DTD1: variants seen among roughly 807,000 people sequenced by gnomAD.
DTD1 encodes D-aminoacyl-tRNA deacylase 1, also known as D-tyrosyl-tRNA deacylase 1 homolog.
A neutral mutation model predicts 25.6 loss-of-function variants in DTD1; 13 were observed. The ratio of observed to expected loss-of-function variants is 0.51; its 90% confidence interval spans 0.33 to 0.81. DTD1 has a LOEUF of 0.81. DTD1 is among the 30% of genes least tolerant of loss of function. The probability of loss-of-function intolerance (pLI) is 0.02; values close to 1 mark genes in which losing one functional copy is unlikely to be tolerated. For missense variants in DTD1, 193 were observed against 266.4 expected (o/e 0.72, Z 1.92); for synonymous variants, 110 against 103.6 (o/e 1.06, Z -0.37).
chr20:18,683,728 G>A (rs541992185), intron 4 of DTD1, among the ~76,000 whole-genome samples: 1 of 152,188 alleles, frequency 6.6e-6, no homozygotes, highest in Non-Finnish European at 1.5e-5. Context: ...ACCTTCTTTG[G>A]GGGTAGTTTT....
rs544941988 is a variant in DTD1, at chr20:18,644,909, C to T, written c.477+16676C>T. On this transcript the variant is annotated intron_variant, in intron 4 of 5. Transcript: ENST00000377452. ...ATCTATAATCCCAAGACTTTGGGAG[C>T]CCAAGGCAGGAATATCGCATGAGCC... Among the ~76,000 whole-genome samples the T allele has an allele frequency of 6.6e-5, 10 of 152,192 alleles. No individual in the cohort carries two copies. The East Asian group carries it at 1.9e-3, about 29-fold the overall frequency.
chr20:18,700,464 G>A (rs1600378467), intron 4 of DTD1, among the ~76,000 whole-genome samples: 1 of 149,214 alleles, frequency 6.7e-6, no homozygotes, highest in East Asian at 1.9e-4. Context: ...ATATCCTCCT[G>A]AAAAATTTCC....
At chr20:18,729,042 T>C (rs1380900831) in intron 4 of DTD1, among the ~76,000 whole-genome samples, 3 of 152,228 alleles carry the variant, frequency 2.0e-5, no homozygotes, top group Non-Finnish European at 2.9e-5. Context: ...CTCACTCTGT[T>C]GCCCAGGCTA....
chr20:18,655,735 T>C (rs1568659910), intron 4 of DTD1, among the ~76,000 whole-genome samples: 1 of 152,188 alleles, frequency 6.6e-6, no homozygotes, highest in Non-Finnish European at 1.5e-5. Flanking sequence ...TTTTCCTAAA[T>C]GATGGGCATT....
rs1214444535 is a variant in DTD1, at chr20:18,632,460, T to G, written c.477+4227T>G. The G allele has an allele frequency of 9.1e-6, 9 of 985,378 alleles. No individual in the cohort carries two copies. The East Asian group carries it at 1.0e-3, about 112-fold the overall frequency. The allele number at this position is 985,378 out of a possible 1,614,324, so 61.0% of individuals were successfully genotyped here. ...CTGGCCTGTGCCTGGGGCCTCTCTC[T>G]GCCTTTTCTTCTGAATTAGAAGGAG... On this transcript the variant is annotated intron_variant, in intron 4 of 5. Transcript: ENST00000377452.
At chr20:18,633,727 A>T (rs1036796254) in intron 4 of DTD1, among the ~76,000 whole-genome samples, 2 of 152,194 alleles carry the variant, frequency 1.3e-5, no homozygotes, top group African/African-American at 2.4e-5. Flanking sequence ...TTGTTTTCAA[A>T]TTTCTACTTC....
At chr20:18,633,131 A>C (rs912550998) in intron 4 of DTD1, among the ~76,000 whole-genome samples, 4 of 152,192 alleles carry the variant, frequency 2.6e-5, no homozygotes, top group African/African-American at 9.7e-5. Flanking sequence ...GTGCCTTCCA[A>C]GTGCATTTTG....
intron 3 of DTD1, among the ~76,000 whole-genome samples, chr20:18,609,279 A>G (rs1053399986): frequency 1.3e-5 from 2 of 151,904 alleles, no homozygotes; most frequent in African/African-American, 4.8e-5. Context: ...AGTTGCTGGG[A>G]CCACAGGCAT....
At chr20:18,725,296 C>T (rs1051965168) in intron 4 of DTD1, among the ~76,000 whole-genome samples, 4 of 152,300 alleles carry the variant, frequency 2.6e-5, no homozygotes, top group Admixed American at 2.0e-4. Flanking sequence ...TGGAGTGGCA[C>T]ACTGATGGGC....
chr20:18,702,811 T>G (rs958127677), intron 4 of DTD1, among the ~76,000 whole-genome samples: 45 of 152,200 alleles, frequency 3.0e-4, no homozygotes, highest in African/African-American at 8.7e-4. Context: ...AATGTTTTTC[T>G]TAGCAGATGT....
chr20:18,649,431 C>T (rs1003984530), intron 4 of DTD1, among the ~76,000 whole-genome samples: 18 of 147,454 alleles, frequency 1.2e-4, no homozygotes, highest in South Asian at 4.4e-4. Flanking sequence ...ATCCGCCTCC[C>T]GGGTTCACGC....
chr20:18,709,277 G>A (rs2061148672), intron 4 of DTD1, among the ~76,000 whole-genome samples: 1 of 152,138 alleles, frequency 6.6e-6, no homozygotes, highest in Non-Finnish European at 1.5e-5. Flanking sequence ...GCACAGAAAG[G>A]TGCATGTTTA....
At chr20:18,659,212 C>T (rs368290013) in intron 4 of DTD1, among the ~76,000 whole-genome samples, 8 of 152,160 alleles carry the variant, frequency 5.3e-5, no homozygotes, top group East Asian at 3.8e-4. Context: ...CTTTCTGGGA[C>T]GTAGTCTGAT....
At chr20:18,589,435 C>T (rs1476524718) in intron 1 of DTD1, among the ~76,000 whole-genome samples, 2 of 152,022 alleles carry the variant, frequency 1.3e-5, no homozygotes, top group African/African-American at 4.8e-5. Context: ...CAACCAAACC[C>T]ACCAAAACCG....
intron 4 of DTD1, among the ~76,000 whole-genome samples, chr20:18,677,508 A>G (rs531788338): frequency 1.3e-5 from 2 of 152,282 alleles, no homozygotes; most frequent in South Asian, 4.1e-4. Context: ...TCTAATGCCC[A>G]TCCTGTGCTG....
At chr20:18,653,269 C>G (rs1301231239) in intron 4 of DTD1, among the ~76,000 whole-genome samples, 1 of 152,088 alleles carries the variant, frequency 6.6e-6, no homozygotes, top group Admixed American at 6.6e-5. Flanking sequence ...TGGCATATGC[C>G]TATAATCTCA....
chr20:18,708,354 CTATA>C (rs1358218507), intron 4 of DTD1, among the ~76,000 whole-genome samples: 2 of 61,474 alleles, frequency 3.3e-5, no homozygotes, highest in African/African-American at 5.9e-5. Context: ...TATTATATAT[CTATA>C]TATATATTTT....
intron 4 of DTD1, among the ~76,000 whole-genome samples, chr20:18,715,301 C>G (rs1289985624): frequency 6.6e-6 from 1 of 152,170 alleles, no homozygotes; most frequent in African/African-American, 2.4e-5. Context: ...ACTGGGACCC[C>G]TGTTGTTGAT....
At chr20:18,589,609 A>G (rs1214832090) in intron 1 of DTD1, among the ~76,000 whole-genome samples, 2 of 152,212 alleles carry the variant, frequency 1.3e-5, no homozygotes, top group Non-Finnish European at 2.9e-5. Context: ...ATTTAAATTC[A>G]TGAAAACTGG....
Sources: allele counts gnomAD v4.1 joint callset (sites outside exome capture counted in the v4.1 genomes callset), GRCh38; gene constraint gnomAD v4.1.1; transcripts MANE v1.5; gene names NCBI Gene and HGNC (gene_info 2026-07-23, HGNC 2026-07-21).